MAP3K7CL: variants seen among roughly 807,000 people sequenced by gnomAD.
MAP3K7CL encodes MAP3K7 C-terminal-like protein.
Under a neutral mutation model 18.6 loss-of-function variants are expected in MAP3K7CL, and 16 were observed. The ratio of observed to expected loss-of-function variants is 0.86; its 90% CI spans 0.58 to 1.31. The LOEUF is 1.31. MAP3K7CL is among the 50% of genes most tolerant of loss of function. The pLI is 0.00. For synonymous variants in MAP3K7CL, 65 were observed against 66.8 expected (o/e 0.97, Z 0.13); for missense variants, 163 against 174.4 (o/e 0.93, Z 0.37).
At chr21:29,148,095 A>G (rs1232356548) in intron 2 of MAP3K7CL, among the ~76,000 whole-genome samples, 1 of 151,862 alleles carries the variant, frequency 6.6e-6, no homozygotes, top group African/African-American at 2.4e-5. Context: ...TCTATTATAT[A>G]TGTATGTGTA....
chr21:29,093,460 C>T (rs755909553), intron 4 of MAP3K7CL, among the ~76,000 whole-genome samples: 15 of 151,904 alleles, frequency 9.9e-5, no homozygotes, highest in Non-Finnish European at 2.1e-4. Context: ...AAAAGAAAGA[C>T]CTAGGTTTTT....
chr21:29,093,857 A>C (rs1237692346), intron 4 of MAP3K7CL, among the ~76,000 whole-genome samples: 2 of 152,198 alleles, frequency 1.3e-5, no homozygotes, highest in Non-Finnish European at 2.9e-5. Flanking sequence ...CATATCAAGT[A>C]ACTTGTATGA....
chr21:29,166,989 T>C (rs754651542), intron 4 of MAP3K7CL, among the ~76,000 whole-genome samples: 2 of 152,246 alleles, frequency 1.3e-5, no homozygotes, highest in Non-Finnish European at 2.9e-5. Flanking sequence ...CAGATTGTTT[T>C]CAAACGGGTT....
chr21:29,098,611 G>A lies in MAP3K7CL; in HGVS notation c.370+6030G>A, dbSNP rs555192336. On this transcript the variant is annotated intron_variant, in intron 4 of 6. Transcript: ENST00000286791. ...AATCTTTACAATAATAAAGGAAAAG[G>A]GAGGTATTATAATTCCTTTTTGCAA... 1.3e-4 allele frequency among the ~76,000 whole-genome samples: 20 copies of A among 152,316 alleles called. 1 individual carries two copies. Among genetic ancestry groups the A allele is most frequent in the African/African-American group, 4.8e-4 (20 of 41,568 alleles).
chr21:29,130,522 T>C (rs1254592078), upstream of MAP3K7CL: 1 of 825,518 alleles, frequency 1.2e-6, no homozygotes, highest in Non-Finnish European at 1.5e-6. Context: ...AGCAAGTCTG[T>C]TTGTATTTTA....
chr21:29,116,215 A>G (rs1006428133), intron 4 of MAP3K7CL, among the ~76,000 whole-genome samples: 2 of 152,240 alleles, frequency 1.3e-5, no homozygotes, highest in Non-Finnish European at 2.9e-5. Flanking sequence ...CAGCTATACT[A>G]ACTCTGTCAC....
At chr21:29,134,854 T>G (rs1341862372) in intron 2 of MAP3K7CL, among the ~76,000 whole-genome samples, 2 of 151,970 alleles carry the variant, frequency 1.3e-5, no homozygotes, top group African/African-American at 4.8e-5. Flanking sequence ...TTGAGACCAT[T>G]CTGGCTAATA....
intron 4 of MAP3K7CL, among the ~76,000 whole-genome samples, chr21:29,101,184 C>A (rs973821582): frequency 6.6e-6 from 1 of 152,104 alleles, no homozygotes; most frequent in Non-Finnish European, 1.5e-5. Context: ...GCATCTACTA[C>A]AAAGCTGCAT....
intron 4 of MAP3K7CL, 25 bp from the exon 5 acceptor site, chr21:29,174,687 C>T (rs2087923008): frequency 6.2e-6 from 10 of 1,612,908 alleles, no homozygotes; most frequent in South Asian, 1.1e-5. Context: ...TGTGCTTCTT[C>T]CTGCCCTTTA....
intron 2 of MAP3K7CL, among the ~76,000 whole-genome samples, 153 bp downstream of exon 2, chr21:29,133,567 C>T (rs1439665787): frequency 1.3e-5 from 2 of 152,174 alleles, no homozygotes; most frequent in Non-Finnish European, 2.9e-5. Flanking sequence ...TGTTAGATGG[C>T]GGCTTCCAGA....
At chr21:29,143,335 C>T (rs1335779668) in intron 2 of MAP3K7CL, among the ~76,000 whole-genome samples, 2 of 151,982 alleles carry the variant, frequency 1.3e-5, no homozygotes, top group Non-Finnish European at 2.9e-5. Flanking sequence ...TTGTGTTCTG[C>T]TTGGGGAGTG....
At chr21:29,084,367 T>C (rs2085889300), upstream of MAP3K7CL, among the ~76,000 whole-genome samples, 2 of 152,154 alleles carry the variant, frequency 1.3e-5, no homozygotes, top group Non-Finnish European at 2.9e-5. Context: ...ACACACTAAT[T>C]GATTCATGTA....
intron 3 of MAP3K7CL, among the ~76,000 whole-genome samples, chr21:29,154,137 A>G (rs1364044048): frequency 6.6e-6 from 1 of 152,200 alleles, no homozygotes; most frequent in Non-Finnish European, 1.5e-5. Context: ...TAATGATATC[A>G]ATCTCACATT....
chr21:29,103,349 T>A (rs971527893), intron 4 of MAP3K7CL, among the ~76,000 whole-genome samples: 1 of 151,960 alleles, frequency 6.6e-6, no homozygotes, highest in African/African-American at 2.4e-5. Flanking sequence ...CCCAGCACTT[T>A]GGGAGGCTGA....
At chr21:29,086,153 G>A (rs2085922348) in intron 1 of MAP3K7CL, among the ~76,000 whole-genome samples, 1 of 152,208 alleles carries the variant, frequency 6.6e-6, no homozygotes. Flanking sequence ...TTTGAGCCAA[G>A]TCATTTAAGA....
At chr21:29,132,748 G>A (rs2086803366) in intron 1 of MAP3K7CL, among the ~76,000 whole-genome samples, 1 of 152,020 alleles carries the variant, frequency 6.6e-6, no homozygotes, top group Non-Finnish European at 1.5e-5. Context: ...GACCTCAGGG[G>A]ATCTGCCTGC....
chr21:29,105,524 C>A (rs2146542638), intron 4 of MAP3K7CL, among the ~76,000 whole-genome samples: 1 of 152,220 alleles, frequency 6.6e-6, no homozygotes, highest in South Asian at 2.1e-4. Context: ...CATTCAAGAG[C>A]TATGGGATCC....
intron 4 of MAP3K7CL, among the ~76,000 whole-genome samples, chr21:29,097,152 C>T (rs1320585900): frequency 1.3e-5 from 2 of 151,492 alleles, no homozygotes; most frequent in African/African-American, 4.9e-5. Context: ...TTGCAGTTAT[C>T]AGGAAAAGAG....
chr21:29,121,055 G>GATAT (rs59327000), intron 4 of MAP3K7CL, among the ~76,000 whole-genome samples: 2 of 121,036 alleles, frequency 1.7e-5, no homozygotes, highest in African/African-American at 6.2e-5. Context: ...AACAGAGTCA[G>GATAT]ATATATATAT....
Sources: gnomAD v4.1 joint callset for allele counts (sites outside exome capture counted in the v4.1 genomes callset) on GRCh38, gnomAD v4.1.1 for gene constraint, MANE v1.5 for transcripts, NCBI Gene and HGNC (gene_info 2026-07-23, HGNC 2026-07-21) for gene names.